LRRC4C: variants seen among roughly 807,000 people sequenced by gnomAD.
LRRC4C encodes leucine rich repeat containing 4C.
In LRRC4C, 5 loss-of-function variants were observed where a neutral mutation model predicts 33.6. The observed-to-expected ratio is 0.15, with a 90% CI of 0.08 to 0.31. The LOEUF (loss-of-function observed/expected upper bound fraction) is 0.31, where lower values mean the gene tolerates loss of function less well. Among genes scored for constraint, LRRC4C ranks in the 10% least tolerant of loss-of-function variants. The pLI is 1.00. For synonymous variants in LRRC4C, 329 were observed against 302.0 expected (o/e 1.09, Z -0.93); for missense variants, 560 against 796.7 (o/e 0.70, Z 3.58).
At chr11:40,248,388 G>C (rs550654285) in intron 4 of LRRC4C, among the ~76,000 whole-genome samples, 1 of 152,126 alleles carries the variant, frequency 6.6e-6, no homozygotes, top group Non-Finnish European at 1.5e-5. Context: ...ATGCTGCCTT[G>C]TGTGTTGTAG....
At chr11:41,027,639 C>G (rs928835097) in intron 1 of LRRC4C, among the ~76,000 whole-genome samples, 2 of 151,608 alleles carry the variant, frequency 1.3e-5, no homozygotes, top group East Asian at 3.9e-4. Flanking sequence ...TTGTAACTTT[C>G]TCCTAGGAAA....
At chr11:40,959,092 G>C (rs914143989) in intron 1 of LRRC4C, among the ~76,000 whole-genome samples, 1 of 151,534 alleles carries the variant, frequency 6.6e-6, no homozygotes, top group African/African-American at 2.4e-5. Flanking sequence ...AATGTATTGA[G>C]AGGCTGATGT....
At position 40,964,645 on chromosome 11, in the gene LRRC4C, T is replaced by A. The variant is rs566337173; in HGVS notation, c.-495-30922A>T. 7.9e-5 allele frequency among the ~76,000 whole-genome samples: 12 copies of A among 151,742 alleles called. No individual in the cohort carries two copies. In the East Asian group the frequency reaches 1.9e-3, roughly 25 times the overall value. ...GTTTGGTTTTTTGTCCTTGTGATAGTTTGCTAAGAATGATGGTTTCCAGTT... is the reference window on the plus strand; with the variant it reads ...GTTTGGTTTTTTGTCCTTGTGATAGATTGCTAAGAATGATGGTTTCCAGTT... On this transcript the variant is annotated intron_variant, in intron 1 of 6. Transcript: ENST00000528697.
chr11:41,338,461 C>T (rs1018691072), intron 1 of LRRC4C, among the ~76,000 whole-genome samples: 54 of 152,210 alleles, frequency 3.5e-4, no homozygotes, highest in African/African-American at 1.2e-3. Flanking sequence ...TCAAACCCCT[C>T]ATGTTCTCCC....
At chr11:40,276,178 A>G (rs540948617) in intron 4 of LRRC4C, among the ~76,000 whole-genome samples, 112 of 152,232 alleles carry the variant, frequency 7.4e-4, no homozygotes, top group Middle Eastern at 3.4e-3. Flanking sequence ...ATAACGTGAT[A>G]AAGATGGGCT....
chr11:40,815,471 T>C (rs899950577), intron 2 of LRRC4C, among the ~76,000 whole-genome samples: 1 of 152,178 alleles, frequency 6.6e-6, no homozygotes, highest in Non-Finnish European at 1.5e-5. Flanking sequence ...TGATAGATAC[T>C]CCATTCCAAT....
chr11:41,405,789 T>C (rs537272941), intron 1 of LRRC4C, among the ~76,000 whole-genome samples: 11 of 152,264 alleles, frequency 7.2e-5, no homozygotes, highest in Non-Finnish European at 1.5e-4. Context: ...TAAGTTATTG[T>C]ATTCATTTAG....
chr11:40,596,286 A>G (rs192008573), intron 3 of LRRC4C, among the ~76,000 whole-genome samples: 1 of 152,258 alleles, frequency 6.6e-6, no homozygotes, highest in African/African-American at 2.4e-5. Context: ...AAAACATATA[A>G]ACCCAATAGT....
In LRRC4C at chr11:40,115,594, G is replaced by A. The variant is rs1855368803; in HGVS notation, c.699C>T (p.Ala233=). 6.2e-7 allele frequency: 1 copy of A among 1,614,036 alleles called. No homozygotes were observed. Among genetic ancestry groups the A allele is most frequent in the Non-Finnish European group, 8.5e-7 (1 of 1,180,036 alleles). The change falls in exon 7 of 7, where the codon GCC becomes GCT. Residue 233 remains alanine (A), a synonymous_variant. Transcript: ENST00000528697. This position sits in a 1 kb window ranked among gnomAD's most constrained non-coding sequence, Gnocchi z 6.7. ...AACCCTGGAAAGAGCCAGGCCTGAT[G>A]GCAGATAAATGATTCCCAGAAAGAT... The part of the protein sequence containing the change: ...ELDLSGNHLS[A]IRPGSFQGLM...
chr11:40,667,458 G>C (rs1943871523), intron 2 of LRRC4C, among the ~76,000 whole-genome samples: 1 of 152,162 alleles, frequency 6.6e-6, no homozygotes, highest in Admixed American at 6.5e-5. Flanking sequence ...CACTCCTCTT[G>C]AATGTAGGAG....
chr11:40,871,675 T>A (rs1954655799), intron 2 of LRRC4C, among the ~76,000 whole-genome samples: 2 of 151,992 alleles, frequency 1.3e-5, no homozygotes, highest in Non-Finnish European at 2.9e-5. Context: ...GAACTCAGAG[T>A]TATCTCTTCC....
chr11:41,003,776 C>A (rs992875359), intron 1 of LRRC4C, among the ~76,000 whole-genome samples: 4 of 151,828 alleles, frequency 2.6e-5, no homozygotes, highest in Admixed American at 1.3e-4. Context: ...CCTTGGCAAT[C>A]CAAATACATT....
At chr11:41,100,113 A>G (rs1941075194) in intron 1 of LRRC4C, among the ~76,000 whole-genome samples, 1 of 152,168 alleles carries the variant, frequency 6.6e-6, no homozygotes, top group Non-Finnish European at 1.5e-5. Context: ...AAAAAACAAA[A>G]CAAAACAAAA....
intron 3 of LRRC4C, among the ~76,000 whole-genome samples, chr11:40,576,742 C>G (rs1481865838): frequency 1.3e-5 from 2 of 152,174 alleles, no homozygotes; most frequent in Non-Finnish European, 2.9e-5. Flanking sequence ...GTAATTATCA[C>G]ATTGTATCAT....
Position 40,611,020 on chromosome 11 carries a change from A to G in LRRC4C, c.-270+37122T>C, listed in dbSNP as rs1260318570. The stretch of plus-strand genomic sequence containing the variant: ...ATTGTTTCTGCAGAAATGGAAAAGA[A>G]ATAATCTTAAAATTTATATGGAACC... On this transcript the variant is annotated intron_variant, in intron 3 of 6. Transcript: ENST00000528697. 4.6e-5 allele frequency among the ~76,000 whole-genome samples: 7 copies of G among 151,872 alleles called. No homozygotes were observed. The East Asian group carries it at 1.3e-3, about 29-fold the overall frequency.
intron 1 of LRRC4C, among the ~76,000 whole-genome samples, chr11:41,271,691 C>A (rs952469688): frequency 6.6e-6 from 1 of 152,000 alleles, no homozygotes. Context: ...TTGTTCTTTC[C>A]CCACTAGAAT....
Position 40,115,041 on chromosome 11 carries a change from C to T in LRRC4C, c.1252G>A (p.Val418Met). The T allele has an allele frequency of 6.2e-7, 1 of 1,614,250 alleles. No homozygotes were observed. The highest frequency in any genetic ancestry group is 1.1e-5 in the South Asian group (1 of 91,088). The change falls in exon 7 of 7, where the codon GTG (valine) becomes ATG (methionine). Residue 418 changes from valine (V) to methionine (M), a missense_variant. This residue lies in a region of LRRC4C where 455 missense variants were observed against 643.8 expected (regional missense o/e 0.71). Coordinates refer to ENST00000528697, the MANE Select transcript of LRRC4C (RefSeq NM_001258419.2). This position sits in a 1 kb window ranked among gnomAD's most constrained non-coding sequence, Gnocchi z 6.7. ...DGTLNFTNVT[V>M]QDTGMYTCMV... ...CATGTGTACATGCCTGTATCTTGCA[C>T]AGTTACATTTGTGAAATTTAACGTA...
chr11:40,160,409 C>T (rs1402473918), intron 5 of LRRC4C, among the ~76,000 whole-genome samples: 1 of 152,058 alleles, frequency 6.6e-6, no homozygotes, highest in African/African-American at 2.4e-5. Flanking sequence ...ATATAAGGGA[C>T]TCAGAAGGCT....
chr11:41,158,982 C>G (rs1227604694), intron 1 of LRRC4C, among the ~76,000 whole-genome samples: 3 of 151,988 alleles, frequency 2.0e-5, no homozygotes, highest in Non-Finnish European at 4.4e-5. Flanking sequence ...ACACATAATT[C>G]CTGCAAGTTA....
Sources: allele counts gnomAD v4.1 joint callset (sites outside exome capture counted in the v4.1 genomes callset), GRCh38; gene constraint gnomAD v4.1.1; regional missense constraint gnomAD v4.1.1; non-coding constraint Gnocchi (gnomAD v3.1); transcripts MANE v1.5; gene names NCBI Gene and HGNC (gene_info 2026-07-23, HGNC 2026-07-21).